FRRS1: variants seen among roughly 807,000 people sequenced by gnomAD.
The protein encoded by FRRS1 is ferric reductase 1.
A neutral mutation model predicts 70.7 loss-of-function variants in FRRS1; 51 were observed. That is an observed-to-expected ratio of 0.72 (90% CI 0.58 to 0.91). The LOEUF (loss-of-function observed/expected upper bound fraction) is 0.91, where lower values mean the gene tolerates loss of function less well. Among genes scored for constraint, FRRS1 ranks in the 40% least tolerant of loss-of-function variants. The pLI is 0.00. For synonymous variants in FRRS1, 225 were observed against 238.7 expected (o/e 0.94, Z 0.53); for missense variants, 672 against 726.0 (o/e 0.93, Z 0.86).
At chr1:99,709,289 G>A (rs1654166051) in intron 15 of FRRS1, 30 bp from the exon 16 acceptor site, 2 of 1,484,584 alleles carry the variant, frequency 1.3e-6, no homozygotes. Flanking sequence ...AAGTTTTTAA[G>A]GGCAGCGTTA....
At chr1:99,748,453 T>A in intron 3 of FRRS1, 120 bp downstream of exon 3, 3 of 836,170 alleles carry the variant, frequency 3.6e-6, no homozygotes, top group Non-Finnish European at 5.9e-6. Context: ...AGAAGTATGA[T>A]AGTATCTTAC....
chr1:99,736,104 A>G (rs544021428), intron 7 of FRRS1, among the ~76,000 whole-genome samples: 59 of 152,320 alleles, frequency 3.9e-4, no homozygotes, highest in African/African-American at 1.3e-3. Context: ...CAGCAGCACT[A>G]CCACCACCTA....
chr1:99,715,392 C>T (rs1317721795), intron 12 of FRRS1, among the ~76,000 whole-genome samples, 194 bp downstream of exon 12: 1 of 152,120 alleles, frequency 6.6e-6, no homozygotes, highest in Non-Finnish European at 1.5e-5. Context: ...CATTTCATTG[C>T]TAAGTAATCT....
chr1:99,728,019 C>T (rs1051425879), intron 9 of FRRS1, among the ~76,000 whole-genome samples: 15 of 152,212 alleles, frequency 9.9e-5, no homozygotes, highest in Admixed American at 3.3e-4. Context: ...ACTCAGCTGT[C>T]CAGGACCTAT....
intron 9 of FRRS1, among the ~76,000 whole-genome samples, chr1:99,721,236 G>A (rs929735280): frequency 4.0e-5 from 6 of 151,774 alleles, no homozygotes; most frequent in Non-Finnish European, 5.9e-5. Flanking sequence ...AAAATTAGCC[G>A]GGTGCGCTGG....
chr1:99,727,201 T>G (rs547189987), intron 9 of FRRS1, among the ~76,000 whole-genome samples: 3 of 152,234 alleles, frequency 2.0e-5, no homozygotes, highest in Admixed American at 6.5e-5. Context: ...CTATCTAAAA[T>G]GCTTAGCCAC....
Position 99,705,635 on chromosome 1 carries a change from T to C in FRRS1, c.*3393A>G, listed in dbSNP as rs1323332509. ...GGGATGAGGTATTGCTTAACACACATTAGAGACAAAATCCTTGACAAAAAT... is the reference window on the plus strand; with the variant it reads ...GGGATGAGGTATTGCTTAACACACACTAGAGACAAAATCCTTGACAAAAAT... On this transcript the variant is annotated 3_prime_UTR_variant, in exon 17 of 17. Transcript: ENST00000646001. Among the ~76,000 whole-genome samples the C allele has an allele frequency of 6.6e-6, 1 of 152,172 alleles. No individual in the cohort carries two copies. The highest frequency in any genetic ancestry group is 2.4e-5 in the African/African-American group (1 of 41,430).
In FRRS1 at chr1:99,748,666, T is replaced by G; in HGVS notation, c.103A>C (p.Met35Leu). Reference sequence around the variant, plus strand: ...GGACTATGACCATGTTCAGGAATCATTCCATGGCATGACTGTGTTACTTTT... The same window carrying G: ...GGACTATGACCATGTTCAGGAATCAGTCCATGGCATGACTGTGTTACTTTT... ...NGKVTQSCHG[M>L]IPEHGHSPQS... Residue 35 changes from methionine to leucine, a missense_variant, in exon 3 of 17, where the codon ATG (methionine) becomes CTG (leucine). Met to Leu is a conservative substitution (Grantham distance 15). Coordinates refer to ENST00000646001, the MANE Select transcript of FRRS1 (RefSeq NM_001361041.2). 2 of 1,613,890 alleles carry G rather than the reference T, an allele frequency of 1.2e-6. No individual in the cohort carries two copies. Among genetic ancestry groups the G allele is most frequent in the Non-Finnish European group, 1.7e-6 (2 of 1,179,756 alleles).
At position 99,709,222 on chromosome 1, in the gene FRRS1, C is replaced by T. The variant is rs1216721684; in HGVS notation, c.1662G>A (p.Gln554=). ...ILDDDRIQIL[Q]SFTAVETEGH... The stretch of plus-strand genomic sequence containing the variant: ...CCTCTGTTTCCACTGCAGTAAATGA[C>T]TGAAGGATCTGAATTCTGTCATCAT... Residue 554 remains glutamine (Q), a synonymous_variant, in exon 16 of 17, where the codon CAG becomes CAA. Transcript: ENST00000646001. 1.9e-6 allele frequency: 3 copies of T among 1,611,024 alleles called. No homozygotes were observed. The highest frequency in any genetic ancestry group is 2.2e-5 in the East Asian group (1 of 44,850).
At chr1:99,729,596 A>G in intron 8 of FRRS1, 54 bp downstream of exon 8, 1 of 1,107,960 alleles carries the variant, frequency 9.0e-7, no homozygotes, top group Non-Finnish European at 1.4e-6. Flanking sequence ...AGTGATAGCC[A>G]CACAGCCGGA....
rs1206703857 is a variant in FRRS1 at position 99,719,550 on chromosome 1, G to A, written c.1104C>T (p.Leu368=). ...PKNIGGSHSV[L]LLKVHGALMF... ...GTAACCTACCATGAACCTTCAGAAG[G>A]AGTACAGAATGGGATCCTCCTATGT... Residue 368 remains leucine (L), a synonymous_variant, in exon 10 of 17, where the codon CTC becomes CTT. Coordinates refer to ENST00000646001, the MANE Select transcript of FRRS1 (RefSeq NM_001361041.2). 6.4e-7 allele frequency: 1 copy of A among 1,571,676 alleles called. No homozygotes were observed. The highest frequency in any genetic ancestry group is 8.8e-7 in the Non-Finnish European group (1 of 1,141,590).
chr1:99,756,105 G>A (rs1054566437), intron 1 of FRRS1, among the ~76,000 whole-genome samples: 6 of 152,006 alleles, frequency 3.9e-5, no homozygotes, highest in Non-Finnish European at 5.9e-5. Context: ...TAAAATTATC[G>A]ACTGTCAACA....
At chr1:99,727,166 T>TTTTATGAAGA (rs1447091323) in intron 9 of FRRS1, among the ~76,000 whole-genome samples, 1 of 152,254 alleles carries the variant, frequency 6.6e-6, no homozygotes, top group Admixed American at 6.5e-5. Flanking sequence ...CTAGCTTGTA[T>TTTTATGAAGA]TTTATGAAGA....
intron 7 of FRRS1, among the ~76,000 whole-genome samples, 156 bp downstream of exon 7, chr1:99,737,930 G>A (rs1243787840): frequency 2.6e-5 from 4 of 152,090 alleles, no homozygotes; most frequent in East Asian, 1.9e-4. Flanking sequence ...TTTAGTAGAG[G>A]TGGGGTTTCA....
At chr1:99,734,007 C>T (rs1314672481) in intron 7 of FRRS1, among the ~76,000 whole-genome samples, 1 of 151,362 alleles carries the variant, frequency 6.6e-6, no homozygotes, top group African/African-American at 2.5e-5. Flanking sequence ...AATAATATCC[C>T]TTACATAGCA....
chr1:99,737,619 T>TA (rs1381175055), intron 7 of FRRS1, among the ~76,000 whole-genome samples: 26 of 152,250 alleles, frequency 1.7e-4, no homozygotes, highest in Admixed American at 1.7e-3. Flanking sequence ...GCCCAACTGT[T>TA]AAAATCATAC....
chr1:99,715,802 TCA>T, intron 11 of FRRS1, 130 bp from the exon 12 acceptor site: 1 of 577,976 alleles, frequency 1.7e-6, no homozygotes, highest in African/African-American at 1.9e-5. Context: ...TGACATCTAA[TCA>T]CAGTTTGTAG....
intron 12 of FRRS1, among the ~76,000 whole-genome samples, chr1:99,714,179 G>C (rs1223700871): frequency 6.6e-6 from 1 of 151,510 alleles, no homozygotes; most frequent in Non-Finnish European, 1.5e-5. Flanking sequence ...GGCATGGTCT[G>C]GTTTACTTTT....
intron 7 of FRRS1, among the ~76,000 whole-genome samples, chr1:99,734,504 GT>G (rs61092430): frequency 0.49 from 74,653 of 151,626 alleles, 22,328 homozygotes; most frequent in African/African-American, 0.85. Flanking sequence ...GGGCTTATGG[GT>G]GTTCACTGTA....
Sources: gnomAD v4.1 joint callset for allele counts (sites outside exome capture counted in the v4.1 genomes callset) on GRCh38, gnomAD v4.1.1 for gene constraint, MANE v1.5 for transcripts, NCBI Gene and HGNC (gene_info 2026-07-23, HGNC 2026-07-21) for gene names.